SPMIP2: variants seen among roughly 807,000 people sequenced by gnomAD.
The protein encoded by SPMIP2 is sperm microtubule inner protein 2, also known as protein SPMIP2.
At chr4:158,994,790 G>A in the SPMIP2 span, among the ~76,000 whole-genome samples, 2 of 152,142 alleles carry the variant, frequency 1.3e-5, no homozygotes, top group Non-Finnish European at 1.5e-5. Flanking sequence ...CGTCTGACAT[G>A]TGCACATAGG....
chr4:159,027,626 C>A, the SPMIP2 span, among the ~76,000 whole-genome samples: 1 of 152,164 alleles, frequency 6.6e-6, no homozygotes, highest in Non-Finnish European at 1.5e-5. Context: ...ACTTAAACTG[C>A]ATTTGCAGTA....
chr4:158,976,239 A>G, the SPMIP2 span, among the ~76,000 whole-genome samples: 2 of 152,174 alleles, frequency 1.3e-5, no homozygotes, highest in Admixed American at 6.5e-5. Context: ...GCAAAGAGAG[A>G]TAATTTGACT....
chr4:158,962,782 G>A, the SPMIP2 span, among the ~76,000 whole-genome samples: 1 of 152,092 alleles, frequency 6.6e-6, no homozygotes, highest in African/African-American at 2.4e-5. Context: ...TTTACATTCA[G>A]AGCATGAGTA....
chr4:158,931,483 T>C, the SPMIP2 span, among the ~76,000 whole-genome samples: 1 of 152,128 alleles, frequency 6.6e-6, no homozygotes, highest in East Asian at 1.9e-4. Flanking sequence ...TCTTGAACTC[T>C]TGACCTCAGG....
chr4:158,973,341 C>T, the SPMIP2 span: 1 of 1,361,950 alleles, frequency 7.3e-7, no homozygotes, highest in East Asian at 2.3e-5. Flanking sequence ...CTTAAAACTT[C>T]TCCACACTTT....
chr4:159,009,431 TG>T, the SPMIP2 span, among the ~76,000 whole-genome samples: 1 of 152,258 alleles, frequency 6.6e-6, no homozygotes, highest in Non-Finnish European at 1.5e-5. Flanking sequence ...ATGCTCTTGC[TG>T]TTGTTTCTGA....
chr4:158,936,768 T>C, the SPMIP2 span, among the ~76,000 whole-genome samples: 34 of 152,198 alleles, frequency 2.2e-4, no homozygotes, highest in African/African-American at 8.0e-4. Context: ...AATTAGGGCT[T>C]TAAAGATGTA....
At chr4:159,049,164 T>C in the SPMIP2 span, among the ~76,000 whole-genome samples, 3 of 152,210 alleles carry the variant, frequency 2.0e-5, no homozygotes, top group Non-Finnish European at 4.4e-5. Context: ...CAACGTCAGT[T>C]TGTGACATTT....
chr4:158,917,849 G>A, the SPMIP2 span, among the ~76,000 whole-genome samples: 1 of 149,588 alleles, frequency 6.7e-6, no homozygotes, highest in Admixed American at 6.8e-5. Flanking sequence ...AGCCTCCCAA[G>A]TAGCTGGGAT....
the SPMIP2 span, among the ~76,000 whole-genome samples, chr4:158,992,545 C>T: frequency 7.7e-6 from 1 of 130,114 alleles, no homozygotes; most frequent in Admixed American, 8.1e-5. Flanking sequence ...TGAAAAAAGC[C>T]ATTACTTGCC....
At chr4:159,062,440 G>A in the SPMIP2 span, among the ~76,000 whole-genome samples, 1 of 152,116 alleles carries the variant, frequency 6.6e-6, no homozygotes, top group African/African-American at 2.4e-5. Flanking sequence ...CCCTTTTCAG[G>A]TAAGATAATT....
At chr4:158,909,736 G>T in the SPMIP2 span, among the ~76,000 whole-genome samples, 58 of 152,042 alleles carry the variant, frequency 3.8e-4, no homozygotes, top group African/African-American at 1.3e-3. Context: ...AACACACCCA[G>T]CTAATTTTTT....
chr4:158,900,473 G>A, the SPMIP2 span, among the ~76,000 whole-genome samples: 1 of 152,182 alleles, frequency 6.6e-6, no homozygotes, highest in Non-Finnish European at 1.5e-5. Flanking sequence ...GGGAGCCTAA[G>A]TCTCTTTGTA....
At chr4:159,019,247 G>A in the SPMIP2 span, among the ~76,000 whole-genome samples, 1 of 143,404 alleles carries the variant, frequency 7.0e-6, no homozygotes, top group Admixed American at 7.3e-5. Context: ...AAGTGATTCA[G>A]ATGCTGGAGA....
At chr4:158,919,112 AGTG>A in the SPMIP2 span, among the ~76,000 whole-genome samples, 1 of 152,192 alleles carries the variant, frequency 6.6e-6, no homozygotes, top group Non-Finnish European at 1.5e-5. Context: ...CATCCCCCCA[AGTG>A]GTTGACAGGA....
At chr4:159,020,057 T>G in the SPMIP2 span, among the ~76,000 whole-genome samples, 1 of 151,734 alleles carries the variant, frequency 6.6e-6, no homozygotes, top group Non-Finnish European at 1.5e-5. Flanking sequence ...GAGTCGGAGG[T>G]TGCAGTGAGC....
the SPMIP2 span, among the ~76,000 whole-genome samples, chr4:158,948,544 T>C: frequency 1.3e-5 from 2 of 151,942 alleles, no homozygotes; most frequent in African/African-American, 4.8e-5. Flanking sequence ...TTTAGAGTTG[T>C]CTTTTCATTC....
At chr4:159,050,868 G>C in the SPMIP2 span, among the ~76,000 whole-genome samples, 25 of 151,938 alleles carry the variant, frequency 1.6e-4, no homozygotes, top group Admixed American at 1.6e-3. Flanking sequence ...TAGCATTTTG[G>C]GAGGCTGAGC....
the SPMIP2 span, among the ~76,000 whole-genome samples, chr4:158,976,834 C>T: frequency 6.6e-6 from 1 of 151,564 alleles, no homozygotes; most frequent in Non-Finnish European, 1.5e-5. Context: ...GCTAATTTTT[C>T]TATTTTTAGT....
Sources: gnomAD v4.1 joint callset for allele counts (sites outside exome capture counted in the v4.1 genomes callset) on GRCh38, gnomAD v4.1.1 for gene constraint, MANE v1.5 for transcripts, NCBI Gene and HGNC (gene_info 2026-07-23, HGNC 2026-07-21) for gene names.